The following GLCCI1 variants were observed in gnomAD, a reference collection of about 807,000 sequenced individuals.
GLCCI1 encodes the protein glucocorticoid-induced transcript 1 protein.
Under a neutral mutation model 52.2 loss-of-function variants are expected in GLCCI1, and 24 were observed. The observed-to-expected ratio is 0.46, with a 90% CI of 0.33 to 0.65. The LOEUF is 0.65. Ranked by LOEUF, GLCCI1 falls within the 30% of genes least tolerant of loss-of-function variation. The probability of loss-of-function intolerance (pLI) is 0.02; values close to 1 mark genes in which losing one functional copy is unlikely to be tolerated. For synonymous variants in GLCCI1, 310 were observed against 276.5 expected (o/e 1.12, Z -1.20); for missense variants, 704 against 701.5 (o/e 1.00, Z -0.04).
intron 2 of GLCCI1, among the ~76,000 whole-genome samples, chr7:8,007,290 C>A (rs1262270273): frequency 6.6e-6 from 1 of 152,154 alleles, no homozygotes; most frequent in East Asian, 1.9e-4. Context: ...CATAGCTGTA[C>A]ATTAATATGT....
chr7:8,071,431 G>C (rs1782759621), intron 6 of GLCCI1, among the ~76,000 whole-genome samples: 1 of 152,098 alleles, frequency 6.6e-6, no homozygotes. Flanking sequence ...ATTGTCCAGA[G>C]CGGATGATGG....
chr7:7,986,547 T>C (rs964547719), intron 1 of GLCCI1, among the ~76,000 whole-genome samples: 1 of 151,242 alleles, frequency 6.6e-6, no homozygotes, highest in Non-Finnish European at 1.5e-5. Context: ...AAAGAAAAAG[T>C]GACCTAGTGT....
chr7:7,977,476 A>G (rs917977564), intron 1 of GLCCI1, among the ~76,000 whole-genome samples: 1 of 152,208 alleles, frequency 6.6e-6, no homozygotes, highest in Non-Finnish European at 1.5e-5. Context: ...GGCCAAAGCA[A>G]TTATTTTCCA....
intron 3 of GLCCI1, among the ~76,000 whole-genome samples, chr7:8,033,339 A>G (rs1034560034): frequency 6.6e-6 from 1 of 152,156 alleles, no homozygotes; most frequent in Non-Finnish European, 1.5e-5. Flanking sequence ...CCTAAGGAAC[A>G]AGGCAAGGAT....
At chr7:8,079,429 G>T (rs1317478083) in intron 6 of GLCCI1, among the ~76,000 whole-genome samples, 1 of 151,220 alleles carries the variant, frequency 6.6e-6, no homozygotes, top group Non-Finnish European at 1.5e-5. Context: ...AATTTATTTT[G>T]TTTAGTTTTA....
rs1583932385 is a variant in GLCCI1 at position 7,969,827 on chromosome 7, C to G, written c.457+20C>G. ...GCAGAGGTAGCGAGCCCAACCCTCC[C>G]GTCCTCCCGGGCTGCGTCTCCCCGA... is the stretch of plus-strand genomic sequence containing the variant. On this transcript the variant is annotated intron_variant, in intron 1 of 7. Transcript: ENST00000223145. This position sits in a 1 kb window ranked among gnomAD's most constrained non-coding sequence, Gnocchi z 4.9. 7.0e-7 allele frequency: 1 copy of G among 1,425,452 alleles called. No homozygotes were observed. The highest frequency in any genetic ancestry group is 9.2e-7 in the Non-Finnish European group (1 of 1,087,718). The allele number at this position is 1,425,452 out of a possible 1,614,324, so 88.3% of individuals were successfully genotyped here.
At chr7:8,082,649 G>A (rs191870384) in intron 6 of GLCCI1, among the ~76,000 whole-genome samples, 2 of 152,056 alleles carry the variant, frequency 1.3e-5, no homozygotes. Flanking sequence ...GTCTAGGATA[G>A]CAGTATATTT....
At chr7:7,984,036 G>A (rs750849780) in intron 1 of GLCCI1, among the ~76,000 whole-genome samples, 3 of 152,110 alleles carry the variant, frequency 2.0e-5, no homozygotes, top group Non-Finnish European at 2.9e-5. Context: ...TTGATTTAGT[G>A]AGGCTCCATG....
In GLCCI1 at chr7:7,985,191, C is replaced by T. The variant is rs182484198; in HGVS notation, c.457+15384C>T. ...CAGGCTGATTTTAATTTGTTGTTTT[C>T]GTATATACTTAAGGACCCAGGGAAA... On this transcript the variant is annotated intron_variant, in intron 1 of 7. Transcript: ENST00000223145. Among the ~76,000 whole-genome samples the T allele has an allele frequency of 2.6e-3, 395 of 150,334 alleles. 1 individual carries two copies. The highest frequency in any genetic ancestry group is 8.9e-3 in the African/African-American group (365 of 41,038).
intron 1 of GLCCI1, among the ~76,000 whole-genome samples, chr7:7,980,038 T>C (rs1231001830): frequency 1.3e-5 from 2 of 152,176 alleles, no homozygotes; most frequent in Non-Finnish European, 2.9e-5. Context: ...TGCCTCAGCC[T>C]CCCAAATAGC....
At chr7:7,975,427 T>C (rs1239740726) in intron 1 of GLCCI1, among the ~76,000 whole-genome samples, 2 of 152,216 alleles carry the variant, frequency 1.3e-5, no homozygotes, top group Non-Finnish European at 2.9e-5. Flanking sequence ...ATTTGTGTGC[T>C]AACTATATAC....
At chr7:7,976,131 GAAGTCCACCATCGTATACCTTA>G in intron 1 of GLCCI1, among the ~76,000 whole-genome samples, 1 of 152,040 alleles carries the variant, frequency 6.6e-6, no homozygotes, top group South Asian at 2.1e-4. Flanking sequence ...ATAACTTAAT[GAAGTCCACCATCGTATACCTTA>G]ATGATGGCTC....
chr7:8,074,108 A>C (rs1177801696), intron 6 of GLCCI1, among the ~76,000 whole-genome samples: 1 of 152,212 alleles, frequency 6.6e-6, no homozygotes, highest in Admixed American at 6.5e-5. Context: ...ACACTTATTG[A>C]GCATTTATTG....
At chr7:8,040,860 T>A (rs1041631001) in intron 3 of GLCCI1, among the ~76,000 whole-genome samples, 1 of 152,210 alleles carries the variant, frequency 6.6e-6, no homozygotes, top group Admixed American at 6.5e-5. Context: ...CAACTATCAT[T>A]TTCCTCTCCT....
At chr7:7,980,061 A>T (rs528530147) in intron 1 of GLCCI1, among the ~76,000 whole-genome samples, 1 of 151,948 alleles carries the variant, frequency 6.6e-6, no homozygotes, top group African/African-American at 2.4e-5. Context: ...GGACCATGGG[A>T]GTGTGCCAGC....
chr7:8,060,128 G>A lies in GLCCI1; in HGVS notation c.846G>A (p.Leu282=), dbSNP rs773535016. The change falls in exon 5 of 8, where the codon CTG becomes CTA. Residue 282 remains leucine (L), a synonymous_variant. Coordinates refer to ENST00000223145, the MANE Select transcript of GLCCI1 (RefSeq NM_138426.4). ...GATCAAGGTCAGTTCCTATGCCACT[G>A]TCAAATATATCAGTGCCAAAATCAT... The part of the protein sequence containing the change: ...ATGSRSVPMP[L]SNISVPKSSV... The A allele has an allele frequency of 1.9e-6, 3 of 1,613,618 alleles. No individual in the cohort carries two copies. The highest frequency in any genetic ancestry group is 1.3e-5 in the African/African-American group (1 of 75,004).
intron 1 of GLCCI1, among the ~76,000 whole-genome samples, chr7:7,973,055 G>T (rs1780387170): frequency 6.6e-6 from 1 of 151,932 alleles, no homozygotes; most frequent in African/African-American, 2.4e-5. Context: ...CCTCTTGTTT[G>T]GTTCTGAAGG....
chr7:8,086,611 A>G lies in GLCCI1; in HGVS notation c.*73A>G. 1.7e-6 allele frequency: 2 copies of G among 1,162,544 alleles called. No individual in the cohort carries two copies. The allele number at this position is 1,162,544 out of a possible 1,614,324, so 72.0% of individuals were successfully genotyped here. A position where few individuals can be genotyped will look rare whatever the true frequency, so the allele number is the denominator to read the frequency against. On this transcript the variant is annotated 3_prime_UTR_variant, in exon 8 of 8. Transcript: ENST00000223145. The surrounding 1 kb of genome is among the most constrained non-coding windows in gnomAD (Gnocchi z 4.4). ...GATTTCAGACATCTGCATGAGTGACAAACTTTCTGAACACCACCACCACCA... is the reference window on the plus strand; with the variant it reads ...GATTTCAGACATCTGCATGAGTGACGAACTTTCTGAACACCACCACCACCA...
intron 3 of GLCCI1, among the ~76,000 whole-genome samples, chr7:8,051,748 A>T (rs991628690): frequency 1.1e-4 from 16 of 152,234 alleles, no homozygotes; most frequent in African/African-American, 3.9e-4. Flanking sequence ...CACCTTTTTT[A>T]TGCATATTGA....
Sources: allele counts gnomAD v4.1 joint callset (sites outside exome capture counted in the v4.1 genomes callset), GRCh38; gene constraint gnomAD v4.1.1; non-coding constraint Gnocchi (gnomAD v3.1); transcripts MANE v1.5; gene names NCBI Gene and HGNC (gene_info 2026-07-23, HGNC 2026-07-21).